Variants in LUZP2 observed in about 807,000 individuals in gnomAD.
The protein encoded by LUZP2 is leucine zipper protein 2.
LUZP2 carries 52 observed loss-of-function variants against 51.6 expected under a neutral mutation model. That is an observed-to-expected ratio of 1.01 (90% CI 0.81 to 1.27). The LOEUF is 1.27. Ranked by LOEUF, LUZP2 falls within the 50% of genes most tolerant of loss-of-function variation. The pLI, the probability that LUZP2 is intolerant of heterozygous loss-of-function variation, is 0.00. For synonymous variants in LUZP2, 154 were observed against 137.3 expected, an observed-to-expected ratio of 1.12 and a Z score of -0.85; for missense variants, 436 against 395.4, an observed-to-expected ratio of 1.10 and a Z score of -0.87.
chr11:24,587,911 T>C (rs943809765), intron 1 of LUZP2, among the ~76,000 whole-genome samples: 19 of 152,224 alleles, frequency 1.2e-4, no homozygotes, highest in Admixed American at 3.3e-4. Context: ...CTGGACATTA[T>C]AGATTCATTT....
chr11:24,717,409 GT>G (rs869281553), intron 1 of LUZP2, among the ~76,000 whole-genome samples: 1,550 of 134,602 alleles, frequency 0.012, 18 homozygotes, highest in African/African-American at 0.034. Context: ...GAACCCAATA[GT>G]TTTTTTTTTT....
chr11:25,078,210 T>C, intron 11 of LUZP2, among the ~76,000 whole-genome samples: 1 of 152,344 alleles, frequency 6.6e-6, no homozygotes, highest in South Asian at 2.1e-4. Context: ...TATTGTATCA[T>C]TGACATTCTT....
intron 9 of LUZP2, among the ~76,000 whole-genome samples, chr11:24,993,502 A>G (rs1856410703): frequency 6.6e-6 from 1 of 152,128 alleles, no homozygotes; most frequent in Admixed American, 6.6e-5. Context: ...TTGCTTCTGT[A>G]TCTCCCAGTT....
At chr11:24,534,104 C>T (rs1266203744) in intron 1 of LUZP2, among the ~76,000 whole-genome samples, 1 of 150,918 alleles carries the variant, frequency 6.6e-6, no homozygotes, top group Non-Finnish European at 1.5e-5. Flanking sequence ...TTGTTGAATC[C>T]AGGTCTCCAA....
intron 7 of LUZP2, among the ~76,000 whole-genome samples, chr11:24,969,221 C>T (rs1334877029): frequency 2.0e-5 from 3 of 152,034 alleles, no homozygotes; most frequent in Non-Finnish European, 2.9e-5. Context: ...TTCCTATGTT[C>T]TTATCATTTA....
chr11:24,707,301 TGTGTGC>T (rs1218126964), intron 1 of LUZP2, among the ~76,000 whole-genome samples: 12 of 149,076 alleles, frequency 8.0e-5, no homozygotes, highest in African/African-American at 2.6e-4. Flanking sequence ...TCTCATTCTG[TGTGTGC>T]GTGTGTGTGT....
At chr11:24,502,487 C>T (rs1451627650) in intron 1 of LUZP2, among the ~76,000 whole-genome samples, 2 of 152,020 alleles carry the variant, frequency 1.3e-5, no homozygotes, top group East Asian at 1.9e-4. Context: ...TGGGTTTAAG[C>T]AATTCTCTGC....
chr11:24,623,581 C>A (rs1198671078), intron 1 of LUZP2, among the ~76,000 whole-genome samples: 1 of 152,122 alleles, frequency 6.6e-6, no homozygotes. Context: ...CACAGTGGCT[C>A]ACGTTTGTAA....
rs188990179 is a variant in LUZP2 at position 24,499,996 on chromosome 11, A to G, written c.62+2691A>G. On this transcript the variant is annotated intron_variant, in intron 1 of 11. Transcript: ENST00000336930. ...CTTTTAAACAGAAATTTTTGAATAG[A>G]AAACAATCCTGCCTTTTAAATAGAC... Among the ~76,000 whole-genome samples the G allele has an allele frequency of 1.9e-3, 294 of 152,296 alleles. 1 individual carries two copies. The highest frequency in any genetic ancestry group is 3.2e-3 in the Non-Finnish European group (219 of 68,020).
intron 7 of LUZP2, among the ~76,000 whole-genome samples, chr11:24,940,938 A>G (rs774944581): frequency 9.2e-5 from 14 of 152,158 alleles, no homozygotes; most frequent in Non-Finnish European, 1.8e-4. Context: ...CTTCTCTTTC[A>G]CTTTTGTTTT....
At chr11:24,723,099 A>G (rs1858339337) in intron 1 of LUZP2, among the ~76,000 whole-genome samples, 1 of 152,158 alleles carries the variant, frequency 6.6e-6, no homozygotes, top group South Asian at 2.1e-4. Flanking sequence ...TTTATAAAGG[A>G]TATATAAAAA....
intron 7 of LUZP2, among the ~76,000 whole-genome samples, chr11:24,922,265 T>C (rs990063017): frequency 6.6e-6 from 1 of 152,178 alleles, no homozygotes; most frequent in Admixed American, 6.5e-5. Flanking sequence ...TGTGTCATCA[T>C]TGTTATTTTC....
At chr11:24,980,378 T>C (rs1016896801) in intron 8 of LUZP2, among the ~76,000 whole-genome samples, 9 of 151,792 alleles carry the variant, frequency 5.9e-5, no homozygotes, top group African/African-American at 1.9e-4. Context: ...TACTTTCTTA[T>C]AAAATTTTCA....
At chr11:24,989,088 A>G (rs1282787636) in intron 9 of LUZP2, among the ~76,000 whole-genome samples, 2 of 133,192 alleles carry the variant, frequency 1.5e-5, no homozygotes, top group East Asian at 4.4e-4. Context: ...AAAGGCTTAG[A>G]TTCCTGTGCA....
intron 8 of LUZP2, among the ~76,000 whole-genome samples, chr11:24,980,347 C>T (rs1339588164): frequency 1.3e-5 from 2 of 151,650 alleles, no homozygotes; most frequent in African/African-American, 2.4e-5. Flanking sequence ...TTTCCACCAT[C>T]TTAAGATCAC....
intron 5 of LUZP2, among the ~76,000 whole-genome samples, chr11:24,763,698 G>A (rs542352625): frequency 6.6e-6 from 1 of 152,036 alleles, no homozygotes; most frequent in Non-Finnish European, 1.5e-5. Context: ...ATGTGTTTAA[G>A]GATAATCTCA....
At chr11:25,052,148 C>T (rs889786328) in intron 10 of LUZP2, among the ~76,000 whole-genome samples, 18 of 152,136 alleles carry the variant, frequency 1.2e-4, no homozygotes, top group Non-Finnish European at 2.9e-5. Flanking sequence ...GAAGCTACAC[C>T]TTTTAGTACA....
At chr11:24,851,528 C>T (rs1278113095) in intron 5 of LUZP2, among the ~76,000 whole-genome samples, 1 of 152,130 alleles carries the variant, frequency 6.6e-6, no homozygotes, top group Non-Finnish European at 1.5e-5. Context: ...AGGATTTTCA[C>T]ATTAATGTTC....
chr11:24,597,668 A>G (rs1254760799), intron 1 of LUZP2, among the ~76,000 whole-genome samples: 2 of 152,204 alleles, frequency 1.3e-5, no homozygotes, highest in African/African-American at 2.4e-5. Flanking sequence ...TGATAAATAA[A>G]GCAATAAAAG....
Sources: allele counts gnomAD v4.1 joint callset (sites outside exome capture counted in the v4.1 genomes callset), GRCh38; gene constraint gnomAD v4.1.1; transcripts MANE v1.5; gene names NCBI Gene and HGNC (gene_info 2026-07-23, HGNC 2026-07-21).